PCDH15: variants seen among roughly 807,000 people sequenced by gnomAD.
PCDH15 encodes protocadherin related 15, also known as protocadherin-15.
PCDH15 carries 129 observed loss-of-function variants against 178.5 expected under a neutral mutation model. The ratio of observed to expected loss-of-function variants is 0.72; its 90% confidence interval spans 0.63 to 0.84. PCDH15 has a LOEUF of 0.84. Among genes scored for constraint, PCDH15 ranks in the 40% least tolerant of loss-of-function variants. PCDH15 has a pLI of 0.00. For synonymous variants in PCDH15, 800 were observed against 732.0 expected, an observed-to-expected ratio of 1.09 and a Z score of -1.50; for missense variants, 2,230 against 2,099.9, an observed-to-expected ratio of 1.06 and a Z score of -1.21.
intron 2 of PCDH15, among the ~76,000 whole-genome samples, chr10:55,328,940 ATATATATAT>A (rs1184794086): frequency 8.3e-5 from 11 of 132,668 alleles, no homozygotes; most frequent in East Asian, 2.1e-4. Context: ...ATATATATAT[ATATATATAT>A]AAAATATATA....
intron 1 of PCDH15, among the ~76,000 whole-genome samples, chr10:54,702,543 C>CAAAAAAAAAAAAA (rs375110960): frequency 8.0e-6 from 1 of 125,650 alleles, no homozygotes; most frequent in Non-Finnish European, 1.6e-5. Context: ...CACAGAAATA[C>CAAAAAAAAAAAAA]AAAAAAAAAA....
intron 2 of PCDH15, among the ~76,000 whole-genome samples, chr10:55,046,570 G>A (rs1230855900): frequency 6.6e-6 from 1 of 151,920 alleles, no homozygotes. Flanking sequence ...TACATTAAAT[G>A]ATACAGATCT....
At chr10:55,514,309 T>A (rs1406610532) in intron 2 of PCDH15, among the ~76,000 whole-genome samples, 1 of 152,150 alleles carries the variant, frequency 6.6e-6, no homozygotes, top group Non-Finnish European at 1.5e-5. Context: ...GGTTTCAGAT[T>A]TCTCATTGAA....
intron 1 of PCDH15, among the ~76,000 whole-genome samples, chr10:55,241,093 G>A (rs759724838): frequency 2.7e-4 from 41 of 152,070 alleles, no homozygotes; most frequent in Non-Finnish European, 4.4e-4. Flanking sequence ...GCACACACCT[G>A]TAGTCCCAGC....
intron 2 of PCDH15, among the ~76,000 whole-genome samples, chr10:55,612,687 T>A (rs1843392617): frequency 6.6e-6 from 1 of 152,168 alleles, no homozygotes; most frequent in South Asian, 2.1e-4. Flanking sequence ...AAGTATATAT[T>A]TTAGACTGTA....
At chr10:53,824,175 A>C (rs778680284) in intron 32 of PCDH15, among the ~76,000 whole-genome samples, 3 of 152,136 alleles carry the variant, frequency 2.0e-5, no homozygotes, top group African/African-American at 7.2e-5. Flanking sequence ...GATATCACTG[A>C]AAGGCTTACT....
chr10:55,237,945 T>G (rs1033776897), intron 1 of PCDH15, among the ~76,000 whole-genome samples: 11 of 151,958 alleles, frequency 7.2e-5, no homozygotes, highest in African/African-American at 2.2e-4. Flanking sequence ...TGACTAAAAT[T>G]TAGCTTTTAG....
intron 20 of PCDH15, among the ~76,000 whole-genome samples, chr10:54,009,180 T>C (rs2092486726): frequency 6.6e-6 from 1 of 151,830 alleles, no homozygotes; most frequent in Admixed American, 6.5e-5. Flanking sequence ...ACAGTTTGAG[T>C]TCCTATTTCC....
At chr10:54,560,680 G>A (rs955778975) in intron 2 of PCDH15, among the ~76,000 whole-genome samples, 4 of 151,974 alleles carry the variant, frequency 2.6e-5, no homozygotes, top group Non-Finnish European at 5.9e-5. Flanking sequence ...GAAAATAACT[G>A]CTTGCGTTAT....
intron 2 of PCDH15, among the ~76,000 whole-genome samples, chr10:55,147,627 C>A (rs1367580032): frequency 7.0e-6 from 1 of 143,330 alleles, no homozygotes; most frequent in African/African-American, 2.6e-5. Context: ...TCTAAGTCTC[C>A]TTTTCTCCCT....
intron 26 of PCDH15, among the ~76,000 whole-genome samples, chr10:53,901,740 T>C (rs969817140): frequency 6.6e-6 from 1 of 152,188 alleles, no homozygotes; most frequent in African/African-American, 2.4e-5. Flanking sequence ...TTTAGGGCTT[T>C]ACAGAGAAAT....
At chr10:54,852,711 G>C (rs929245812) in intron 3 of PCDH15, among the ~76,000 whole-genome samples, 1 of 151,544 alleles carries the variant, frequency 6.6e-6, no homozygotes, top group Non-Finnish European at 1.5e-5. Flanking sequence ...AAATTAGCAG[G>C]GTGTGGTGGT....
At chr10:54,986,705 T>C (rs1839374902) in intron 2 of PCDH15, among the ~76,000 whole-genome samples, 1 of 152,170 alleles carries the variant, frequency 6.6e-6, no homozygotes, top group South Asian at 2.1e-4. Flanking sequence ...CCGTGTTGTG[T>C]TCATAATCAC....
chr10:54,578,300 A>G (rs1266464032), intron 2 of PCDH15, among the ~76,000 whole-genome samples: 1 of 152,152 alleles, frequency 6.6e-6, no homozygotes, highest in Non-Finnish European at 1.5e-5. Context: ...ATTGTCCATC[A>G]TTTTTATAAA....
rs183764564 is a variant in PCDH15 at position 54,043,691 on chromosome 10, G to T, written c.2221-20494C>A. ...GGTGAGCCACTACCCCTGGTCTCAA[G>T]ACATAATTACAAGGAAAGATGCAAT... On this transcript the variant is annotated intron_variant, in intron 18 of 37. Transcript: ENST00000644397. 2.4e-3 allele frequency among the ~76,000 whole-genome samples: 367 copies of T among 152,034 alleles called. 1 individual carries two copies. The highest frequency in any genetic ancestry group is 8.5e-3 in the African/African-American group (353 of 41,516).
intron 1 of PCDH15, among the ~76,000 whole-genome samples, chr10:54,755,648 CAT>C (rs1359723877): frequency 6.6e-6 from 1 of 151,954 alleles, no homozygotes; most frequent in Admixed American, 6.6e-5. Context: ...CAATAGTAAA[CAT>C]ATATATGAAT....
intron 1 of PCDH15, among the ~76,000 whole-genome samples, chr10:55,225,864 T>C (rs559561618): frequency 1.7e-4 from 26 of 152,186 alleles, no homozygotes; most frequent in African/African-American, 6.0e-4. Context: ...CTTTGCAATG[T>C]TGAAGCTAAG....
At chr10:54,611,523 C>A (rs532358740) in intron 2 of PCDH15, among the ~76,000 whole-genome samples, 1 of 151,930 alleles carries the variant, frequency 6.6e-6, no homozygotes, top group African/African-American at 2.4e-5. Context: ...ACTCTTTAAG[C>A]TGAGATAATG....
chr10:55,323,179 C>G (rs921594367), upstream of PCDH15, among the ~76,000 whole-genome samples: 2 of 152,194 alleles, frequency 1.3e-5, no homozygotes, highest in Non-Finnish European at 2.9e-5. Context: ...TTGGGAACTT[C>G]CATCTAGATT....
Sources: allele counts gnomAD v4.1 joint callset (sites outside exome capture counted in the v4.1 genomes callset), GRCh38; gene constraint gnomAD v4.1.1; transcripts MANE v1.5; gene names NCBI Gene and HGNC (gene_info 2026-07-23, HGNC 2026-07-21).